Variants in CTNNA1 observed in about 807,000 individuals in gnomAD.
CTNNA1 encodes the protein catenin alpha-1.
A neutral mutation model predicts 98.4 loss-of-function variants in CTNNA1; 37 were observed. The ratio of observed to expected loss-of-function variants is 0.38; its 90% CI spans 0.29 to 0.49. CTNNA1 has a LOEUF of 0.49. Among genes scored for constraint, CTNNA1 ranks in the 20% least tolerant of loss-of-function variants. CTNNA1 has a pLI of 0.95. For synonymous variants in CTNNA1, 404 were observed against 413.2 expected, an observed-to-expected ratio of 0.98 and a Z score of 0.27; for missense variants, 761 against 1,147.2, an observed-to-expected ratio of 0.66 and a Z score of 4.86.
chr5:138,795,348 C>G (rs1280394868), intron 3 of CTNNA1, among the ~76,000 whole-genome samples: 1 of 151,828 alleles, frequency 6.6e-6, no homozygotes, highest in African/African-American at 2.4e-5. Context: ...ATCCCAGCTA[C>G]TCTGGAGGCT....
intron 10 of CTNNA1, among the ~76,000 whole-genome samples, chr5:138,905,185 G>T (rs10067361): frequency 0.26 from 39,052 of 151,802 alleles, 5,294 homozygotes; most frequent in Middle Eastern, 0.31. Flanking sequence ...AGCCACTCAG[G>T]AGGCTATGGT....
chr5:138,873,163 C>T lies in CTNNA1; in HGVS notation c.1063-13049C>T. 6.2e-7 allele frequency: 1 copy of T among 1,613,972 alleles called. No individual in the cohort carries two copies. Among genetic ancestry groups the T allele is most frequent in the Non-Finnish European group, 8.5e-7 (1 of 1,179,882 alleles). Reference sequence around the variant, plus strand: ...TATGGAGTCGTGTTTGGGATCGGAGCTGCCTGTGGTTCTGAACCATTGAGC... The same window carrying T: ...TATGGAGTCGTGTTTGGGATCGGAGTTGCCTGTGGTTCTGAACCATTGAGC... On this transcript the variant is annotated intron_variant, in intron 7 of 17. Coordinates refer to ENST00000302763, the MANE Select transcript of CTNNA1 (RefSeq NM_001903.5). This position sits in a 1 kb window ranked among gnomAD's most constrained non-coding sequence, Gnocchi z 6.1.
At chr5:138,881,017 A>G (rs1752786544) in intron 7 of CTNNA1, 3 of 455,338 alleles carry the variant, frequency 6.6e-6, no homozygotes. Flanking sequence ...GAACAAGATC[A>G]TTTCTTACTC....
At chr5:138,861,791 C>T (rs904563167) in intron 7 of CTNNA1, among the ~76,000 whole-genome samples, 2 of 152,104 alleles carry the variant, frequency 1.3e-5, no homozygotes, top group Admixed American at 6.5e-5. Flanking sequence ...CAAAGAGAAG[C>T]GTGGACTGAA....
intron 7 of CTNNA1, among the ~76,000 whole-genome samples, chr5:138,868,443 C>T (rs1329170237): frequency 6.6e-6 from 1 of 152,148 alleles, no homozygotes; most frequent in African/African-American, 2.4e-5. Flanking sequence ...GGACCTCCCT[C>T]CTAGGAGTGG....
chr5:138,927,715 A>C (rs1764424824), intron 13 of CTNNA1, among the ~76,000 whole-genome samples: 1 of 79,408 alleles, frequency 1.3e-5, no homozygotes, highest in South Asian at 4.0e-4. Flanking sequence ...AGAGATAATG[A>C]ATGAATGAAT....
intron 11 of CTNNA1, 43 bp from the exon 12 acceptor site, chr5:138,924,467 T>A (rs375700433): frequency 6.2e-7 from 1 of 1,603,000 alleles, no homozygotes; most frequent in South Asian, 1.1e-5. Context: ...CACCTTTTCA[T>A]AGAAAGCCTC....
intron 1 of CTNNA1, among the ~76,000 whole-genome samples, chr5:138,778,886 GT>G (rs112862618): frequency 1.3e-5 from 2 of 148,326 alleles, no homozygotes; most frequent in Non-Finnish European, 3.0e-5. Context: ...TCAAAGTTAC[GT>G]TTTTTTTTTG....
chr5:138,876,397 G>T (rs1043229380), intron 7 of CTNNA1, among the ~76,000 whole-genome samples: 1 of 152,174 alleles, frequency 6.6e-6, no homozygotes, highest in Admixed American at 6.5e-5. Flanking sequence ...GATTTTGCTT[G>T]CCCTAACTCC....
At position 138,930,542 on chromosome 5, in the gene CTNNA1, G is replaced by T; in HGVS notation, c.2080G>T (p.Glu694Ter). The T allele has an allele frequency of 6.2e-7, 1 of 1,614,044 alleles. No individual in the cohort carries two copies. Among genetic ancestry groups the T allele is most frequent in the Non-Finnish European group, 8.5e-7 (1 of 1,179,926 alleles). ...GGAACAGGTGGCCAGCTTCCAGGAA[G>T]AAAAGAGCAAGCTGGATGCTGAAGT... ...IAEQVASFQE[E>*]KSKLDAEVSK... Residue 694 changes from glutamate to a stop codon, truncating the protein, a stop_gained, in exon 15 of 18, where the codon GAA becomes TAA. Coordinates refer to ENST00000302763, the MANE Select transcript of CTNNA1 (RefSeq NM_001903.5). LOFTEE classifies it high-confidence loss of function.
At chr5:138,931,808 G>A (rs968174486) in intron 16 of CTNNA1, 1 of 985,350 alleles carries the variant, frequency 1.0e-6, no homozygotes, top group African/African-American at 1.7e-5. Context: ...CTCCAGTATG[G>A]TCTGCGGGGT....
At chr5:138,813,074 A>G (rs1430251518) in intron 5 of CTNNA1, among the ~76,000 whole-genome samples, 1 of 152,150 alleles carries the variant, frequency 6.6e-6, no homozygotes, top group African/African-American at 2.4e-5. Context: ...CCAGCTCCCA[A>G]ACTGCTTGAA....
At chr5:138,778,396 C>T (rs146083920) in intron 1 of CTNNA1, among the ~76,000 whole-genome samples, 1,579 of 152,178 alleles carry the variant, frequency 0.01, 8 homozygotes, top group Non-Finnish European at 0.016. Context: ...AATTTTCAGG[C>T]GAAATAACAC....
chr5:138,799,559 A>G (rs1490873964), intron 3 of CTNNA1, among the ~76,000 whole-genome samples: 1 of 151,894 alleles, frequency 6.6e-6, no homozygotes, highest in African/African-American at 2.4e-5. Context: ...GGTTTTGAGC[A>G]TGGGTTCTTT....
At chr5:138,904,548 G>A in intron 10 of CTNNA1, 107 bp downstream of exon 10, 1 of 1,386,930 alleles carries the variant, frequency 7.2e-7, no homozygotes, top group Non-Finnish European at 9.8e-7. Context: ...GATTTTAGAT[G>A]GAAGTCTTGG....
chr5:138,879,171 TAAAAAAAAA>T (rs35271091), intron 7 of CTNNA1, among the ~76,000 whole-genome samples: 6 of 80,326 alleles, frequency 7.5e-5, no homozygotes, highest in Admixed American at 4.9e-4. Flanking sequence ...ACTCCGTCTT[TAAAAAAAAA>T]AAAAAAAAAA....
chr5:138,916,776 T>C (rs1355512369), intron 10 of CTNNA1, among the ~76,000 whole-genome samples: 1 of 130,976 alleles, frequency 7.6e-6, no homozygotes, highest in Non-Finnish European at 1.7e-5. Context: ...TATTATTTTA[T>C]TTATTTTTTT....
At position 138,782,017 on chromosome 5, in the gene CTNNA1, T is replaced by A. The variant is rs2149652081; in HGVS notation, c.93T>A (p.Pro31=). The A allele has an allele frequency of 6.2e-7, 1 of 1,609,174 alleles. No homozygotes were observed. Among genetic ancestry groups the A allele is most frequent in the South Asian group, 1.1e-5 (1 of 89,624 alleles). ...RTLAVERLLE[P]LVTQVTTLVN... Reference sequence around the variant, plus strand: ...TGGCAGTTGAGAGACTGTTGGAGCCTCTTGTTACACAGGTAAGAATCTGAA... The same window carrying A: ...TGGCAGTTGAGAGACTGTTGGAGCCACTTGTTACACAGGTAAGAATCTGAA... Residue 31 remains proline (P), a synonymous_variant, in exon 2 of 18, where the codon CCT becomes CCA. Transcript: ENST00000302763.
At chr5:138,782,903 T>C (rs1247465683) in intron 2 of CTNNA1, among the ~76,000 whole-genome samples, 1 of 152,250 alleles carries the variant, frequency 6.6e-6, no homozygotes, top group Non-Finnish European at 1.5e-5. Flanking sequence ...TAATCATTTT[T>C]TAATTTGTAA....
Sources: gnomAD v4.1 joint callset for allele counts (sites outside exome capture counted in the v4.1 genomes callset) on GRCh38, gnomAD v4.1.1 for gene constraint, Gnocchi (gnomAD v3.1) non-coding constraint, MANE v1.5 for transcripts, NCBI Gene and HGNC (gene_info 2026-07-23, HGNC 2026-07-21) for gene names.